The following RARB variants were observed in gnomAD, a reference collection of about 807,000 sequenced individuals.
The protein encoded by RARB is HBV-activated protein.
Under a neutral mutation model 51.9 loss-of-function variants are expected in RARB, and 17 were observed. That is an observed-to-expected ratio of 0.33 (90% confidence interval 0.22 to 0.49). The LOEUF is 0.49. Among genes scored for constraint, RARB ranks in the 20% least tolerant of loss-of-function variants. The pLI, the probability that RARB is intolerant of heterozygous loss-of-function variation, is 0.99. For synonymous variants in RARB, 215 were observed against 195.4 expected, an observed-to-expected ratio of 1.10 and a Z score of -0.84; for missense variants, 369 against 550.8, an observed-to-expected ratio of 0.67 and a Z score of 3.30.
At chr3:25,552,286 T>A (rs1288200670) in intron 3 of RARB, among the ~76,000 whole-genome samples, 1 of 152,112 alleles carries the variant, frequency 6.6e-6, no homozygotes. Context: ...CTGGTGAAAT[T>A]AATGAGAAAA....
intron 5 of RARB, among the ~76,000 whole-genome samples, chr3:25,305,445 CCA>C: frequency 6.6e-6 from 1 of 152,266 alleles, no homozygotes; most frequent in Middle Eastern, 3.4e-3. Flanking sequence ...AAGGCAAAAA[CCA>C]CAGTTTGCTT....
At chr3:24,913,040 G>A (rs573211510) in intron 2 of RARB, among the ~76,000 whole-genome samples, 1 of 133,480 alleles carries the variant, frequency 7.5e-6, no homozygotes, top group Admixed American at 9.0e-5. Context: ...GAGTGCAGTG[G>A]CGCCTTCTCG....
At chr3:25,076,177 T>A (rs143909588) in intron 3 of RARB, among the ~76,000 whole-genome samples, 2,470 of 151,892 alleles carry the variant, frequency 0.016, 34 homozygotes, top group Middle Eastern at 0.031. Context: ...AATCTCTCTC[T>A]GTCGCCCAGG....
chr3:25,454,854 G>C (rs1315600954), intron 1 of RARB, among the ~76,000 whole-genome samples: 1 of 152,218 alleles, frequency 6.6e-6, no homozygotes, highest in African/African-American at 2.4e-5. Context: ...CATTTATACT[G>C]TGTTTTCTCA....
At chr3:24,905,369 C>G (rs1383721502) in intron 2 of RARB, among the ~76,000 whole-genome samples, 2 of 152,150 alleles carry the variant, frequency 1.3e-5, no homozygotes, top group Non-Finnish European at 2.9e-5. Context: ...ACCTTTTCAG[C>G]ACAAGACAAA....
At chr3:25,512,062 G>A (rs868596510) in intron 3 of RARB, among the ~76,000 whole-genome samples, 1 of 152,298 alleles carries the variant, frequency 6.6e-6, no homozygotes, top group Admixed American at 6.5e-5. Context: ...TTGCTTGTCT[G>A]TAACATGAAG....
At chr3:24,891,659 TG>T (rs1158738420) in intron 2 of RARB, among the ~76,000 whole-genome samples, 1 of 152,028 alleles carries the variant, frequency 6.6e-6, no homozygotes, top group African/African-American at 2.4e-5. Flanking sequence ...GTGGAGTGTG[TG>T]GGGGGAATCA....
intron 2 of RARB, among the ~76,000 whole-genome samples, chr3:24,993,064 G>T (rs1696947945): frequency 6.6e-6 from 1 of 152,018 alleles, no homozygotes; most frequent in African/African-American, 2.4e-5. Context: ...ACAATAAAAA[G>T]TGAATATACG....
chr3:25,527,514 C>A (rs1041385048), intron 3 of RARB, among the ~76,000 whole-genome samples: 7 of 152,170 alleles, frequency 4.6e-5, no homozygotes, highest in Non-Finnish European at 8.8e-5. Flanking sequence ...AATTCCATCT[C>A]CAAATTGTCT....
chr3:25,013,844 T>G (rs191553031), intron 2 of RARB, among the ~76,000 whole-genome samples: 1 of 152,204 alleles, frequency 6.6e-6, no homozygotes, highest in East Asian at 1.9e-4. Flanking sequence ...TCAGGTTTGT[T>G]TTTATCACAA....
intron 2 of RARB, among the ~76,000 whole-genome samples, chr3:24,987,418 G>A (rs1484706245): frequency 6.6e-6 from 1 of 152,234 alleles, no homozygotes; most frequent in Non-Finnish European, 1.5e-5. Flanking sequence ...AAATGGTGCA[G>A]TGTGGAAAAT....
chr3:25,309,489 T>C (rs918680250), intron 5 of RARB, among the ~76,000 whole-genome samples: 2 of 59,334 alleles, frequency 3.4e-5, no homozygotes, highest in Non-Finnish European at 6.5e-5. Flanking sequence ...ATAGTTGCTT[T>C]TTTTTTTTTT....
chr3:25,511,500 A>G (rs1288549197), intron 3 of RARB, among the ~76,000 whole-genome samples: 1 of 152,190 alleles, frequency 6.6e-6, no homozygotes, highest in Non-Finnish European at 1.5e-5. Flanking sequence ...TTATAGTAGT[A>G]ATACAAACAT....
intron 2 of RARB, among the ~76,000 whole-genome samples, chr3:25,466,626 T>G (rs1695445279): frequency 6.6e-6 from 1 of 152,230 alleles, no homozygotes; most frequent in Non-Finnish European, 1.5e-5. Flanking sequence ...AAAATAACAC[T>G]GCCTCTTTCC....
chr3:24,908,502 C>T (rs562153845), intron 2 of RARB, among the ~76,000 whole-genome samples: 1 of 152,096 alleles, frequency 6.6e-6, no homozygotes, highest in East Asian at 1.9e-4. Context: ...TACTTGCATG[C>T]AGCTTAGTTC....
chr3:24,851,924 A>T (rs569878374), intron 1 of RARB, among the ~76,000 whole-genome samples: 1 of 152,216 alleles, frequency 6.6e-6, no homozygotes, highest in Non-Finnish European at 1.5e-5. Context: ...CTTTTTAATG[A>T]CATTAGTAGA....
chr3:25,504,385 T>G (rs1244927103), intron 3 of RARB, among the ~76,000 whole-genome samples: 1 of 152,224 alleles, frequency 6.6e-6, no homozygotes, highest in African/African-American at 2.4e-5. Flanking sequence ...CAGATTCTCA[T>G]TGGCCTAACT....
chr3:24,931,915 A>G (rs1198406465), intron 2 of RARB, among the ~76,000 whole-genome samples: 2 of 152,052 alleles, frequency 1.3e-5, no homozygotes, highest in African/African-American at 4.8e-5. Context: ...AGTTGTTTGG[A>G]GAGTGGTGAC....
At chr3:25,010,702 A>G (rs1263806397) in intron 2 of RARB, among the ~76,000 whole-genome samples, 2 of 152,110 alleles carry the variant, frequency 1.3e-5, no homozygotes, top group Admixed American at 6.6e-5. Context: ...GAGCAAGGTG[A>G]TGCTTAGGAA....
Sources: gnomAD v4.1 joint callset for allele counts (sites outside exome capture counted in the v4.1 genomes callset) on GRCh38, gnomAD v4.1.1 for gene constraint, MANE v1.5 for transcripts, NCBI Gene and HGNC (gene_info 2026-07-23, HGNC 2026-07-21) for gene names.